Variants in CNGA1 observed in about 807,000 individuals in gnomAD.
CNGA1 encodes cyclic nucleotide-gated channel alpha-1.
In CNGA1, 53 loss-of-function variants were observed where a neutral mutation model predicts 69.7. The observed-to-expected ratio is 0.76, with a 90% confidence interval of 0.61 to 0.96. The LOEUF (loss-of-function observed/expected upper bound fraction) is 0.96, where lower values mean the gene tolerates loss of function less well. Ranked by LOEUF, CNGA1 falls within the 40% of genes least tolerant of loss-of-function variation. The probability of loss-of-function intolerance (pLI) is 0.00; values close to 1 mark genes in which losing one functional copy is unlikely to be tolerated. For missense variants in CNGA1, 739 were observed against 811.2 expected (o/e 0.91, Z 1.08); for synonymous variants, 249 against 283.5 (o/e 0.88, Z 1.22).
chr4:47,983,554 C>A (rs13145315), intron 2 of CNGA1, among the ~76,000 whole-genome samples: 21,808 of 152,078 alleles, frequency 0.14, 1,887 homozygotes, highest in Middle Eastern at 0.22. Flanking sequence ...CACACCACTG[C>A]ACTCCAGCCT....
At chr4:47,993,294 T>G (rs1742351454) in intron 2 of CNGA1, among the ~76,000 whole-genome samples, 1 of 152,108 alleles carries the variant, frequency 6.6e-6, no homozygotes, top group Non-Finnish European at 1.5e-5. Context: ...GGTAGGAATC[T>G]TCTGTGAATC....
intron 1 of CNGA1, 122 bp downstream of exon 1, chr4:48,016,361 A>C: frequency 6.0e-6 from 1 of 166,230 alleles, no homozygotes; most frequent in Non-Finnish European, 1.3e-5. Context: ...GTGCAAAGCA[A>C]CTAACACCTG....
At chr4:47,977,920 T>C (rs1050068402) in intron 3 of CNGA1, among the ~76,000 whole-genome samples, 3 of 151,814 alleles carry the variant, frequency 2.0e-5, no homozygotes, top group African/African-American at 7.3e-5. Flanking sequence ...TCTGCCTCCC[T>C]GGTTCAAGCA....
At position 47,936,983 on chromosome 4, in the gene CNGA1, T is replaced by C. The variant is rs372770176; in HGVS notation, c.1499A>G (p.Asp500Gly). The change falls in exon 11 of 11, where the codon GAT becomes GGT. Residue 500 changes from aspartate (D) to glycine (G), a missense_variant. Asp to Gly is a moderately conservative substitution (Grantham distance 94, BLOSUM62 -1). Transcript: ENST00000514170. ...KLQPQVYSPG[D>G]YICKKGDIGR... is the part of the protein sequence containing the mutation. ...GATATCCCCTTTCTTGCAAATATAA[T>C]CTCCAGGACTGTAGACTTGGGGTTG... The C allele has an allele frequency of 4.5e-5, 73 of 1,613,660 alleles. No individual in the cohort carries two copies. The highest frequency in any genetic ancestry group is 5.9e-5 in the Non-Finnish European group (70 of 1,179,746).
intron 2 of CNGA1, among the ~76,000 whole-genome samples, chr4:47,990,407 C>A (rs981448342): frequency 6.6e-6 from 1 of 152,054 alleles, no homozygotes. Flanking sequence ...TCTTGCAGTA[C>A]CCTCAGGCTT....
chr4:47,957,987 C>T (rs921160250), intron 3 of CNGA1, among the ~76,000 whole-genome samples: 1 of 150,694 alleles, frequency 6.6e-6, no homozygotes, highest in East Asian at 2.0e-4. Flanking sequence ...CTCCACCTCC[C>T]GGGTTCAAGT....
intron 2 of CNGA1, among the ~76,000 whole-genome samples, chr4:47,999,310 T>C (rs1488150974): frequency 6.6e-6 from 1 of 152,250 alleles, no homozygotes; most frequent in African/African-American, 2.4e-5. Flanking sequence ...TCTTGGAACA[T>C]ATTCCCTGCA....
At chr4:47,992,498 G>C (rs1402992317) in intron 2 of CNGA1, among the ~76,000 whole-genome samples, 1 of 151,904 alleles carries the variant, frequency 6.6e-6, no homozygotes, top group Non-Finnish European at 1.5e-5. Context: ...CAGAGCTACT[G>C]ATTTGTGTAC....
At chr4:47,940,466 G>A (rs188060393) in intron 10 of CNGA1, among the ~76,000 whole-genome samples, 171 of 152,270 alleles carry the variant, frequency 1.1e-3, no homozygotes, top group Middle Eastern at 3.4e-3. Flanking sequence ...CCTGTAGCTG[G>A]CAGAATATTT....
At chr4:47,949,953 TG>T in intron 5 of CNGA1, 58 bp from the exon 6 acceptor site, 1 of 1,519,680 alleles carries the variant, frequency 6.6e-7, no homozygotes, top group Non-Finnish European at 9.1e-7. Context: ...ATAATGTCCA[TG>T]GTAGGCAAAT....
chr4:47,972,329 A>G (rs1375287812), intron 3 of CNGA1, among the ~76,000 whole-genome samples: 8 of 152,176 alleles, frequency 5.3e-5, no homozygotes, highest in Non-Finnish European at 1.2e-4. Flanking sequence ...GCTGCAATAA[A>G]AGTCCCTAGT....
chr4:47,970,592 T>C (rs1174099750), intron 3 of CNGA1, among the ~76,000 whole-genome samples: 1 of 150,880 alleles, frequency 6.6e-6, no homozygotes, highest in African/African-American at 2.4e-5. Flanking sequence ...GTGGAGGTTG[T>C]GGTGGGCAGA....
chr4:47,980,447 AAC>A (rs1244094674), intron 3 of CNGA1, among the ~76,000 whole-genome samples: 2 of 150,356 alleles, frequency 1.3e-5, no homozygotes, highest in African/African-American at 4.9e-5. Context: ...AGTAATTGAT[AAC>A]AGTTTTTTAT....
intron 3 of CNGA1, among the ~76,000 whole-genome samples, chr4:47,964,143 A>C (rs966033497): frequency 5.9e-5 from 9 of 152,228 alleles, no homozygotes; most frequent in African/African-American, 2.2e-4. Context: ...GAATGAAGAC[A>C]TGACTATTCT....
At chr4:47,959,558 T>C (rs747721783) in intron 3 of CNGA1, among the ~76,000 whole-genome samples, 1 of 152,090 alleles carries the variant, frequency 6.6e-6, no homozygotes, top group Non-Finnish European at 1.5e-5. Context: ...GTCTCATAAC[T>C]TTGGGGTAGG....
In CNGA1 at chr4:47,943,411, C is replaced by A; in HGVS notation, c.289G>T (p.Glu97Ter). ...NVNNSSNKDQ[E>*]PEEKKKKKKE... Reference sequence around the variant, plus strand: ...TTCTTTTTCTTTTTTTCTTCTGGTTCCCTAAAGAAAAAAATAATATATCTG... The same window carrying A: ...TTCTTTTTCTTTTTTTCTTCTGGTTACCTAAAGAAAAAAATAATATATCTG... Residue 97 changes from glutamate to a stop codon, truncating the protein, a stop_gained and splice_region_variant, in exon 7 of 11, where the codon GAA becomes TAA. Coordinates refer to ENST00000514170, the MANE Select transcript of CNGA1 (RefSeq NM_001379270.1). LOFTEE classifies it high-confidence loss of function. 6.8e-7 allele frequency: 1 copy of A among 1,464,450 alleles called. No individual in the cohort carries two copies. The highest frequency in any genetic ancestry group is 9.2e-7 in the Non-Finnish European group (1 of 1,091,306). The allele number at this position is 1,464,450 out of a possible 1,614,324, so 90.7% of individuals were successfully genotyped here. A position where few individuals can be genotyped will look rare whatever the true frequency, so the allele number is the denominator to read the frequency against.
intron 2 of CNGA1, among the ~76,000 whole-genome samples, chr4:48,000,311 A>G (rs1714610238): frequency 6.6e-6 from 1 of 152,216 alleles, no homozygotes. Context: ...ATGAACCCCA[A>G]GCAGAATAAA....
intron 2 of CNGA1, among the ~76,000 whole-genome samples, chr4:47,984,697 T>C (rs1219600281): frequency 1.3e-5 from 2 of 149,246 alleles, no homozygotes; most frequent in South Asian, 2.1e-4. Context: ...CACACACATA[T>C]ATATATAATA....
chr4:47,970,553 G>C (rs1484859761), intron 3 of CNGA1, among the ~76,000 whole-genome samples: 5 of 151,966 alleles, frequency 3.3e-5, no homozygotes, highest in African/African-American at 7.2e-5. Context: ...TCGGGAGGCT[G>C]AGGCAGGAGA....
Sources: allele counts gnomAD v4.1 joint callset (sites outside exome capture counted in the v4.1 genomes callset), GRCh38; gene constraint gnomAD v4.1.1; transcripts MANE v1.5; gene names NCBI Gene and HGNC (gene_info 2026-07-23, HGNC 2026-07-21).